The following FAM178B variants were observed in gnomAD, a reference collection of about 807,000 sequenced individuals.
FAM178B encodes family with sequence similarity 178 member B.
Under a neutral mutation model 91.7 loss-of-function variants are expected in FAM178B, and 82 were observed. That is an observed-to-expected ratio of 0.89 (90% CI 0.75 to 1.07). The LOEUF (loss-of-function observed/expected upper bound fraction) is 1.07, where lower values mean the gene tolerates loss of function less well. FAM178B is among the 50% of genes least tolerant of loss of function. The pLI is 0.00. For missense variants in FAM178B, 769 were observed against 846.7 expected, an observed-to-expected ratio of 0.91 and a Z score of 1.14; for synonymous variants, 368 against 359.4, an observed-to-expected ratio of 1.02 and a Z score of -0.27.
In FAM178B at chr2:96,986,378, C is replaced by A; in HGVS notation, c.-65G>T. 1 of 1,507,044 alleles carries A rather than the reference C, an allele frequency of 6.6e-7. No homozygotes were observed. The highest frequency in any genetic ancestry group is 8.8e-7 in the Non-Finnish European group (1 of 1,133,072). 93.4% of individuals were successfully genotyped at this position (1,507,044 alleles called of 1,614,324 possible). A position where few individuals can be genotyped will look rare whatever the true frequency, so the allele number is the denominator to read the frequency against. On this transcript the variant is annotated 5_prime_UTR_variant, in exon 1 of 17. Transcript: ENST00000490605. ...CGGGAATTCGCACGGCCTCAGAGGA[C>A]GGGGCCAGCTAGCCGGGAAAGGAAG...
intron 12 of FAM178B, among the ~76,000 whole-genome samples, chr2:96,905,862 T>TGTGTATA (rs1559064503): frequency 4.2e-5 from 1 of 23,532 alleles, no homozygotes. Context: ...ATATATATAT[T>TGTGTATA]TTTTTTTTTT....
In FAM178B at chr2:96,986,347, G is replaced by A. The variant is rs1038351705; in HGVS notation, c.-34C>T. The A allele has an allele frequency of 9.2e-6, 14 of 1,528,258 alleles. No homozygotes were observed. Among genetic ancestry groups the A allele is most frequent in the Non-Finnish European group, 1.2e-5 (14 of 1,144,620 alleles). The allele number at this position is 1,528,258 out of a possible 1,614,324, so 94.7% of individuals were successfully genotyped here. A position where few individuals can be genotyped will look rare whatever the true frequency, so the allele number is the denominator to read the frequency against. The stretch of plus-strand genomic sequence containing the variant: ...AAGGGCAGGGCTCCGGGGTGAGGGA[G>A]GGTGGCGGGAATTCGCACGGCCTCA... On this transcript the variant is annotated 5_prime_UTR_variant, in exon 1 of 17. Transcript: ENST00000490605.
chr2:96,955,702 C>T (rs942956876), intron 6 of FAM178B, among the ~76,000 whole-genome samples: 3 of 152,028 alleles, frequency 2.0e-5, no homozygotes, highest in African/African-American at 7.2e-5. Flanking sequence ...AATAAATAAG[C>T]GAGTGTTACC....
rs1051443912 is a variant in FAM178B, at chr2:96,951,382, G to C, written c.990C>G (p.Phe330Leu). The part of the protein sequence containing the change: ...DCPVSLLQWL[F>L]QLLTWPPETS... ...GTGGCAGGCCTGCGGTCCTCACCTG[G>C]AACAGCCACTGGAGCAGGGATACCG... Residue 330 changes from phenylalanine to leucine, a missense_variant, in exon 7 of 17, where the codon TTC (phenylalanine) becomes TTG (leucine). Phe to Leu is a conservative substitution (Grantham distance 22). Coordinates refer to ENST00000490605, the MANE Select transcript of FAM178B (RefSeq NM_001122646.3). 5.2e-6 allele frequency: 8 copies of C among 1,550,034 alleles called. No individual in the cohort carries two copies. The highest frequency in any genetic ancestry group is 7.0e-6 in the Non-Finnish European group (8 of 1,145,852).
chr2:96,962,570 T>A (rs911719459), intron 5 of FAM178B, among the ~76,000 whole-genome samples: 5 of 152,192 alleles, frequency 3.3e-5, no homozygotes, highest in Admixed American at 2.0e-4. Context: ...GTATGTGCAT[T>A]ATTAAGAGTC....
At chr2:96,910,634 C>T (rs968533719) in intron 12 of FAM178B, among the ~76,000 whole-genome samples, 5 of 152,120 alleles carry the variant, frequency 3.3e-5, no homozygotes, top group African/African-American at 9.7e-5. Flanking sequence ...GGCTACCTTA[C>T]TTTGGTGCCC....
At chr2:96,934,020 TC>T (rs2081585613) in intron 8 of FAM178B, among the ~76,000 whole-genome samples, 2 of 152,260 alleles carry the variant, frequency 1.3e-5, no homozygotes, top group African/African-American at 4.8e-5. Flanking sequence ...CCAGCTTTAG[TC>T]AATTAGCTTT....
At chr2:96,969,959 C>T (rs747298965) in intron 4 of FAM178B, among the ~76,000 whole-genome samples, 25 of 152,226 alleles carry the variant, frequency 1.6e-4, no homozygotes, top group Non-Finnish European at 3.1e-4. Flanking sequence ...AGGGTGGCAT[C>T]GCCCCCGCCC....
rs1574226979 is a variant in FAM178B, at chr2:96,906,195, T to C, written c.1563-3488A>G. 2.0e-5 allele frequency among the ~76,000 whole-genome samples: 3 copies of C among 147,242 alleles called. No homozygotes were observed. In the East Asian group the frequency reaches 6.0e-4, roughly 30 times the overall value. On this transcript the variant is annotated intron_variant, in intron 12 of 16. Transcript: ENST00000490605. ...CACCGCGCCCAGCCAATACTTTTTCTTTTTCTTTCTTTTTTTTTTTTTTTG... is the reference window on the plus strand; with the variant it reads ...CACCGCGCCCAGCCAATACTTTTTCCTTTTCTTTCTTTTTTTTTTTTTTTG...
chr2:96,949,995 G>A (rs1316538092), intron 7 of FAM178B: 20 of 985,686 alleles, frequency 2.0e-5, no homozygotes, highest in Non-Finnish European at 2.4e-5. Flanking sequence ...CCTCAGGGCT[G>A]GGTCCTGCAC....
At chr2:96,890,303 TAA>T (rs2080641167) in intron 14 of FAM178B, among the ~76,000 whole-genome samples, 11 of 129,078 alleles carry the variant, frequency 8.5e-5, no homozygotes, top group Admixed American at 6.1e-4. Flanking sequence ...TCAAGCAATA[TAA>T]ATAAATAAAT....
At chr2:96,910,910 G>C (rs1279598218) in intron 12 of FAM178B, among the ~76,000 whole-genome samples, 1 of 151,300 alleles carries the variant, frequency 6.6e-6, no homozygotes, top group African/African-American at 2.4e-5. Flanking sequence ...TGGGACTACA[G>C]GTGCACACCA....
intron 8 of FAM178B, 98 bp from the exon 9 acceptor site, chr2:96,929,418 T>C: frequency 1.2e-6 from 1 of 861,154 alleles, no homozygotes; most frequent in South Asian, 1.5e-5. Context: ...TGGCCCAAGA[T>C]AACCAGTTTT....
chr2:96,957,653 A>C (rs2082019271), intron 6 of FAM178B, among the ~76,000 whole-genome samples: 1 of 152,218 alleles, frequency 6.6e-6, no homozygotes, highest in East Asian at 1.9e-4. Context: ...ACAAACTCCA[A>C]GGCTGAAGCA....
Position 96,902,794 on chromosome 2 carries a change from T to C in FAM178B, c.1563-87A>G, listed in dbSNP as rs2080959073. The C allele has an allele frequency of 8.8e-6, 8 of 908,200 alleles. No individual in the cohort carries two copies. The Admixed American group carries it at 1.4e-4, about 16-fold the overall frequency. The allele number at this position is 908,200 out of a possible 1,614,324, so 56.3% of individuals were successfully genotyped here. A position where few individuals can be genotyped will look rare whatever the true frequency, so the allele number is the denominator to read the frequency against. On this transcript the variant is annotated intron_variant, in intron 12 of 16. Coordinates refer to ENST00000490605, the MANE Select transcript of FAM178B (RefSeq NM_001122646.3). ...GCAGGATACCCATGGAGAGGGGACT[T>C]TGGGGGAGCCACCCTCCATCTGGGG...
At chr2:96,936,904 A>T (rs965383178) in intron 8 of FAM178B, among the ~76,000 whole-genome samples, 1 of 152,070 alleles carries the variant, frequency 6.6e-6, no homozygotes, top group South Asian at 2.1e-4. Context: ...GGAAGGGATG[A>T]TGGTGGTTGC....
At chr2:96,885,427 TG>T (rs2080493186) in intron 14 of FAM178B, among the ~76,000 whole-genome samples, 1 of 152,184 alleles carries the variant, frequency 6.6e-6, no homozygotes. Flanking sequence ...TATCTCTAGC[TG>T]GGGCCTGGGG....
chr2:96,986,564 G>C lies in FAM178B; in HGVS notation c.-251C>G. On this transcript the variant is annotated 5_prime_UTR_variant, in exon 1 of 17. Coordinates refer to ENST00000490605, the MANE Select transcript of FAM178B (RefSeq NM_001122646.3). ...AGCCGCCGCCGCCGCCAGCTGGGGA[G>C]CTCGCCGGCCAAGTGCGCACCCTCT... is the stretch of plus-strand genomic sequence containing the variant. The C allele has an allele frequency of 4.0e-6, 2 of 500,464 alleles. No individual in the cohort carries two copies. The highest frequency in any genetic ancestry group is 7.2e-6 in the Non-Finnish European group (2 of 279,316). The allele number at this position is 500,464 out of a possible 1,614,324, so 31.0% of individuals were successfully genotyped here. A position where few individuals can be genotyped will look rare whatever the true frequency, so the allele number is the denominator to read the frequency against.
rs34013660 is a variant in FAM178B at position 96,877,964 on chromosome 2, G to A, written c.1933C>T (p.Arg645Cys). Residue 645 changes from arginine (R) to cysteine (C), a missense_variant, in exon 16 of 17, where the codon CGC becomes TGC. By Grantham distance (180) the Arg-to-Cys change is radical (BLOSUM62 -3). Transcript: ENST00000490605. ...QIRESPQAMHRTMLKDLATQT... is the reference protein window; with the variant it reads ...QIRESPQAMHCTMLKDLATQT... ...GTAGCCAGGTCCTTGAGCATGGTGC[G>A]GTGCATGGCCTGGGGGCTCTCCCGG... 5,035 of 1,613,774 alleles carry A rather than the reference G, an allele frequency of 3.1e-3. 158 individuals are homozygous for A. In the African/African-American group the frequency reaches 0.06, roughly 19 times the overall value.
Sources: allele counts gnomAD v4.1 joint callset (sites outside exome capture counted in the v4.1 genomes callset), GRCh38; gene constraint gnomAD v4.1.1; transcripts MANE v1.5; gene names NCBI Gene and HGNC (gene_info 2026-07-23, HGNC 2026-07-21).